Variants in RYR2 observed in about 807,000 individuals in gnomAD.
RYR2 encodes the protein ryanodine receptor 2.
A neutral mutation model predicts 601.1 loss-of-function variants in RYR2; 227 were observed. That is an observed-to-expected ratio of 0.38 (90% confidence interval 0.34 to 0.42). The LOEUF (loss-of-function observed/expected upper bound fraction) is 0.42, where lower values mean the gene tolerates loss of function less well. Among genes scored for constraint, RYR2 ranks in the 10% least tolerant of loss-of-function variants. The probability of loss-of-function intolerance (pLI) is 1.00; values close to 1 mark genes in which losing one functional copy is unlikely to be tolerated. For synonymous variants in RYR2, 2,223 were observed against 2,175.1 expected, an observed-to-expected ratio of 1.02 and a Z score of -0.61; for missense variants, 4,646 against 6,156.5, an observed-to-expected ratio of 0.75 and a Z score of 8.21.
intron 100 of RYR2, 140 bp downstream of exon 100, chr1:237,809,175 T>C: frequency 1.3e-6 from 1 of 770,136 alleles, no homozygotes; most frequent in Non-Finnish European, 2.1e-6. Context: ...GTTTAAAGAT[T>C]CAGCAGTTTT....
intron 16 of RYR2, among the ~76,000 whole-genome samples, chr1:237,464,241 A>AG (rs1160606744): frequency 6.6e-6 from 1 of 152,068 alleles, no homozygotes; most frequent in East Asian, 1.9e-4. Flanking sequence ...GGTACATTTT[A>AG]GGGGCTTATT....
intron 10 of RYR2, among the ~76,000 whole-genome samples, chr1:237,407,606 G>GT (rs1553440218): frequency 3.8e-5 from 2 of 52,062 alleles, no homozygotes; most frequent in African/African-American, 8.4e-5. Context: ...TTAAATTGTG[G>GT]TTGTTTTTTT....
intron 1 of RYR2, among the ~76,000 whole-genome samples, chr1:237,179,149 A>G (rs1055924230): frequency 2.6e-5 from 4 of 152,206 alleles, no homozygotes; most frequent in East Asian, 3.9e-4. Flanking sequence ...AGCAAATTTT[A>G]TCTCTGCTGT....
chr1:237,692,930 C>T (rs1687074961), intron 63 of RYR2, among the ~76,000 whole-genome samples: 1 of 152,158 alleles, frequency 6.6e-6, no homozygotes, highest in Admixed American at 6.5e-5. Flanking sequence ...CTTCCTGTTG[C>T]ACTCTCAGTG....
At chr1:237,478,773 G>A (rs888191315) in intron 17 of RYR2, among the ~76,000 whole-genome samples, 11 of 140,348 alleles carry the variant, frequency 7.8e-5, no homozygotes, top group African/African-American at 3.2e-4. Context: ...GTAAGCCACC[G>A]AGGCAGGCCT....
chr1:237,460,344 T>G (rs1659335643), intron 16 of RYR2, among the ~76,000 whole-genome samples: 1 of 152,140 alleles, frequency 6.6e-6, no homozygotes, highest in Admixed American at 6.5e-5. Flanking sequence ...AGTAGGGAAA[T>G]TTTACCAACA....
At chr1:237,401,507 A>C (rs1303125248) in intron 10 of RYR2, among the ~76,000 whole-genome samples, 1 of 150,174 alleles carries the variant, frequency 6.7e-6, no homozygotes, top group African/African-American at 2.5e-5. Context: ...TAAAGGCTAC[A>C]CATCAGACCA....
chr1:237,712,858 A>C (rs954466316), intron 71 of RYR2, among the ~76,000 whole-genome samples: 1 of 152,224 alleles, frequency 6.6e-6, no homozygotes. Flanking sequence ...AAATAAATAT[A>C]TTACATGTGG....
intron 52 of RYR2, among the ~76,000 whole-genome samples, chr1:237,654,690 C>T (rs948283671): frequency 3.3e-5 from 5 of 152,084 alleles, no homozygotes; most frequent in African/African-American, 7.2e-5. Context: ...GATAAGTTTC[C>T]GGTGCATTTG....
chr1:237,269,042 C>CTCTTTTTT (rs1689404787), intron 1 of RYR2, among the ~76,000 whole-genome samples: 1 of 113,222 alleles, frequency 8.8e-6, no homozygotes, highest in Non-Finnish European at 1.7e-5. Context: ...ATAGCATATT[C>CTCTTTTTT]TTTTTTTTTT....
intron 1 of RYR2, among the ~76,000 whole-genome samples, chr1:237,123,375 C>G (rs1671024788): frequency 6.6e-6 from 1 of 152,000 alleles, no homozygotes; most frequent in Non-Finnish European, 1.5e-5. Flanking sequence ...TTACTTGAGC[C>G]TAGGAGTTTG....
intron 1 of RYR2, among the ~76,000 whole-genome samples, chr1:237,084,536 A>G (rs931408864): frequency 1.3e-5 from 2 of 152,148 alleles, no homozygotes; most frequent in Non-Finnish European, 2.9e-5. Flanking sequence ...TTAATTCACA[A>G]GCAGAGCAAG....
Position 237,460,642 on chromosome 1 carries a change from G to A in RYR2, c.1612+3907G>A, listed in dbSNP as rs181259619. Reference sequence around the variant, plus strand: ...AGAGATTTCCATTGACTTTTCTGTAGCAGGGTGCATTTGGCTATCAAATTA... The same window carrying A: ...AGAGATTTCCATTGACTTTTCTGTAACAGGGTGCATTTGGCTATCAAATTA... On this transcript the variant is annotated intron_variant, in intron 16 of 104. Coordinates refer to ENST00000366574, the MANE Select transcript of RYR2 (RefSeq NM_001035.3). Among the ~76,000 whole-genome samples the A allele has an allele frequency of 3.9e-5, 6 of 152,266 alleles. No individual in the cohort carries two copies. In the East Asian group the frequency reaches 1.2e-3, roughly 29 times the overall value.
intron 27 of RYR2, among the ~76,000 whole-genome samples, chr1:237,556,880 CAAAAAAAAAAAA>C (rs869116177): frequency 0.032 from 2,494 of 77,842 alleles, 48 homozygotes; most frequent in Non-Finnish European, 0.041. Context: ...TCCCTCCCAC[CAAAAAAAAAAAA>C]AAAAAAAAAA....
intron 80 of RYR2, among the ~76,000 whole-genome samples, chr1:237,746,864 TA>T (rs1363704407): frequency 6.6e-6 from 1 of 152,060 alleles, no homozygotes; most frequent in Non-Finnish European, 1.5e-5. Context: ...GAAATAATAA[TA>T]AATAATAATG....
chr1:237,599,510 A>G (rs910380241), intron 34 of RYR2, among the ~76,000 whole-genome samples: 2 of 152,184 alleles, frequency 1.3e-5, no homozygotes, highest in African/African-American at 2.4e-5. Context: ...ATACAATCTC[A>G]GTTACAATAG....
intron 87 of RYR2, 92 bp downstream of exon 87, chr1:237,773,740 CCTTT>C (rs1694441593): frequency 5.2e-6 from 5 of 967,006 alleles, no homozygotes; most frequent in Admixed American, 2.9e-5. Flanking sequence ...CCTATTGACC[CCTTT>C]CTGAGTTTCT....
At chr1:237,052,179 G>C (rs1339852584) in intron 1 of RYR2, among the ~76,000 whole-genome samples, 2 of 152,162 alleles carry the variant, frequency 1.3e-5, no homozygotes, top group Non-Finnish European at 2.9e-5. Flanking sequence ...ATACCATGAA[G>C]GTGGAAGCCA....
intron 16 of RYR2, among the ~76,000 whole-genome samples, chr1:237,467,031 C>A (rs959948964): frequency 6.6e-6 from 1 of 150,764 alleles, no homozygotes; most frequent in Admixed American, 6.6e-5. Context: ...TTCTTAAATG[C>A]CCCATGGCTT....
Sources: allele counts gnomAD v4.1 joint callset (sites outside exome capture counted in the v4.1 genomes callset), GRCh38; gene constraint gnomAD v4.1.1; transcripts MANE v1.5; gene names NCBI Gene and HGNC (gene_info 2026-07-23, HGNC 2026-07-21).